The following AGBL4 variants were observed in gnomAD, a reference collection of about 807,000 sequenced individuals.
The protein encoded by AGBL4 is cytosolic carboxypeptidase 6.
A neutral mutation model predicts 66.4 loss-of-function variants in AGBL4; 58 were observed. The observed-to-expected ratio is 0.87, with a 90% CI of 0.71 to 1.09. AGBL4 has a LOEUF of 1.09. AGBL4 is among the 50% of genes least tolerant of loss of function. AGBL4 has a pLI of 0.00. For missense variants in AGBL4, 579 were observed against 631.0 expected (o/e 0.92, Z 0.88); for synonymous variants, 234 against 222.9 (o/e 1.05, Z -0.44).
chr1:49,480,273 T>A (rs1646929703), intron 3 of AGBL4, among the ~76,000 whole-genome samples: 1 of 152,126 alleles, frequency 6.6e-6, no homozygotes, highest in Admixed American at 6.5e-5. Flanking sequence ...AGTATTCTTT[T>A]TTCCCCATGA....
chr1:48,776,707 C>G, intron 6 of AGBL4: 1 of 1,520,654 alleles, frequency 6.6e-7, no homozygotes, highest in Non-Finnish European at 8.8e-7. Context: ...CTCCGGGCCC[C>G]GGTACACGGC....
intron 1 of AGBL4, among the ~76,000 whole-genome samples, chr1:49,950,141 CATATGTGTAT>C (rs1656015303): frequency 1.4e-5 from 2 of 140,682 alleles, no homozygotes; most frequent in Middle Eastern, 3.9e-3. Context: ...TATATATACA[CATATGTGTAT>C]ATATATACAC....
rs189979655 is a variant in AGBL4 at position 49,730,339 on chromosome 1, G to A, written c.158-32902C>T. Among the ~76,000 whole-genome samples, 450 of 152,288 alleles carry A rather than the reference G, an allele frequency of 3.0e-3. 3 individuals are homozygous for A. Among genetic ancestry groups the A allele is most frequent in the African/African-American group, 0.01 (422 of 41,570 alleles). ...ACTCCAGGCCAGCTCACCGAGCTGC[G>A]GATGGTGTGAATAAAAAGAGCTGTT... On this transcript the variant is annotated intron_variant, in intron 2 of 13. Transcript: ENST00000371839.
chr1:49,340,315 G>A (rs752258155), intron 3 of AGBL4, among the ~76,000 whole-genome samples: 11 of 151,890 alleles, frequency 7.2e-5, no homozygotes, highest in Admixed American at 1.3e-4. Flanking sequence ...TAAGAATGTA[G>A]GTCTTTGAGA....
At chr1:48,637,171 G>T (rs1645680389) in intron 8 of AGBL4, among the ~76,000 whole-genome samples, 1 of 152,174 alleles carries the variant, frequency 6.6e-6, no homozygotes, top group East Asian at 1.9e-4. Context: ...ATGCTATATT[G>T]TTGTTTTTAT....
intron 6 of AGBL4, among the ~76,000 whole-genome samples, chr1:48,671,935 A>G (rs192245592): frequency 6.6e-6 from 1 of 152,370 alleles, no homozygotes; most frequent in African/African-American, 2.4e-5. Context: ...GGCAGACCCC[A>G]GAAATTCCTC....
At chr1:49,029,822 G>C (rs1275204326) in intron 5 of AGBL4, among the ~76,000 whole-genome samples, 3 of 152,148 alleles carry the variant, frequency 2.0e-5, no homozygotes, top group African/African-American at 4.8e-5. Context: ...CTGGCACAAG[G>C]ATAGACATAT....
intron 3 of AGBL4, among the ~76,000 whole-genome samples, chr1:49,299,205 G>A (rs1323579993): frequency 6.6e-6 from 1 of 152,198 alleles, no homozygotes; most frequent in East Asian, 1.9e-4. Context: ...TATATGAGAT[G>A]TCTGGATTGA....
At chr1:49,263,359 CA>C (rs1180443101) in intron 3 of AGBL4, among the ~76,000 whole-genome samples, 1 of 150,398 alleles carries the variant, frequency 6.6e-6, no homozygotes, top group Non-Finnish European at 1.5e-5. Flanking sequence ...TTCTGAAAAA[CA>C]AAAAAAGATA....
intron 3 of AGBL4, among the ~76,000 whole-genome samples, chr1:49,373,982 C>T (rs1427945956): frequency 6.6e-6 from 1 of 152,048 alleles, no homozygotes; most frequent in Non-Finnish European, 1.5e-5. Context: ...TTATACTATA[C>T]ATAAAATTAT....
intron 4 of AGBL4, among the ~76,000 whole-genome samples, chr1:49,154,987 G>T (rs766138886): frequency 1.3e-5 from 2 of 151,956 alleles, no homozygotes; most frequent in Non-Finnish European, 2.9e-5. Context: ...AAATGCTTTT[G>T]CCCATCTGAT....
chr1:49,740,503 T>C (rs1281392051), intron 2 of AGBL4, among the ~76,000 whole-genome samples: 1 of 151,720 alleles, frequency 6.6e-6, no homozygotes, highest in Non-Finnish European at 1.5e-5. Context: ...AGACAAAAAG[T>C]TAACAAGGAT....
intron 9 of AGBL4, among the ~76,000 whole-genome samples, chr1:48,611,725 G>T (rs1361860874): frequency 1.3e-5 from 2 of 152,092 alleles, no homozygotes; most frequent in East Asian, 3.9e-4. Flanking sequence ...GAGAGAGAAA[G>T]GATTTAAAAT....
chr1:49,342,338 C>T (rs1384489658), intron 3 of AGBL4, among the ~76,000 whole-genome samples: 1 of 152,084 alleles, frequency 6.6e-6, no homozygotes, highest in Non-Finnish European at 1.5e-5. Flanking sequence ...GTGGACACCA[C>T]AGGAGAAAAT....
intron 8 of AGBL4, among the ~76,000 whole-genome samples, chr1:48,649,587 T>C (rs185038234): frequency 1.2e-3 from 179 of 152,310 alleles, no homozygotes; most frequent in African/African-American, 4.2e-3. Flanking sequence ...TTCTTTAACA[T>C]AAAGAGCTTG....
intron 3 of AGBL4, among the ~76,000 whole-genome samples, chr1:49,259,977 C>A (rs1245492615): frequency 6.6e-6 from 1 of 152,028 alleles, no homozygotes; most frequent in African/African-American, 2.4e-5. Flanking sequence ...ACAGTGCAAT[C>A]AAACTAGAAC....
chr1:49,208,264 A>G (rs918837223), intron 4 of AGBL4, among the ~76,000 whole-genome samples: 15 of 152,040 alleles, frequency 9.9e-5, no homozygotes, highest in Non-Finnish European at 1.9e-4. Flanking sequence ...TTGAAAGCCC[A>G]TGCTTTTCTA....
chr1:48,565,710 T>C (rs2148305850), intron 11 of AGBL4, among the ~76,000 whole-genome samples: 1 of 152,212 alleles, frequency 6.6e-6, no homozygotes, highest in East Asian at 1.9e-4. Context: ...TTGGGAAAGT[T>C]ATTTTACTCT....
chr1:49,850,862 C>T (rs985240303), intron 2 of AGBL4, among the ~76,000 whole-genome samples: 3 of 152,054 alleles, frequency 2.0e-5, no homozygotes, highest in Non-Finnish European at 2.9e-5. Context: ...TAAAGAAGAC[C>T]TAGTCCCTAC....
Sources: gnomAD v4.1 joint callset for allele counts (sites outside exome capture counted in the v4.1 genomes callset) on GRCh38, gnomAD v4.1.1 for gene constraint, MANE v1.5 for transcripts, NCBI Gene and HGNC (gene_info 2026-07-23, HGNC 2026-07-21) for gene names.